The following MARCHF8 variants were observed in gnomAD, a reference collection of about 807,000 sequenced individuals.
MARCHF8 encodes E3 ubiquitin-protein ligase MARCHF8.
A neutral mutation model predicts 51.6 loss-of-function variants in MARCHF8; 40 were observed. The observed-to-expected ratio is 0.77, with a 90% confidence interval of 0.60 to 1.01. MARCHF8 has a LOEUF of 1.01. Among genes scored for constraint, MARCHF8 ranks in the 50% least tolerant of loss-of-function variants. The pLI is 0.00. For missense variants in MARCHF8, 685 were observed against 708.6 expected (o/e 0.97, Z 0.38); for synonymous variants, 263 against 280.3 (o/e 0.94, Z 0.62).
chr10:45,569,022 G>A (rs1466809841), intron 1 of MARCHF8, among the ~76,000 whole-genome samples: 1 of 130,622 alleles, frequency 7.7e-6, no homozygotes, highest in Non-Finnish European at 1.5e-5. Context: ...CCGAGATGGC[G>A]CCACTGCACT....
At chr10:45,494,600 T>C (rs1458264147) in intron 2 of MARCHF8, among the ~76,000 whole-genome samples, 3 of 152,174 alleles carry the variant, frequency 2.0e-5, no homozygotes. Context: ...GGAAAACTAT[T>C]AAATATATAA....
intron 7 of MARCHF8, 50 bp downstream of exon 7, chr10:45,459,070 G>A (rs1842701558): frequency 6.2e-7 from 1 of 1,609,442 alleles, no homozygotes; most frequent in Non-Finnish European, 8.5e-7. Context: ...CAGGACTCCT[G>A]TGAGCTATCC....
At chr10:45,508,317 A>G (rs1239918924) in intron 2 of MARCHF8, among the ~76,000 whole-genome samples, 1 of 151,232 alleles carries the variant, frequency 6.6e-6, no homozygotes, top group Non-Finnish European at 1.5e-5. Context: ...GAGGACAAAA[A>G]TTTATTCTTT....
chr10:45,539,124 G>C (rs1255402222), upstream of MARCHF8, among the ~76,000 whole-genome samples: 1 of 152,188 alleles, frequency 6.6e-6, no homozygotes, highest in Non-Finnish European at 1.5e-5. Context: ...CTGTCTCTCA[G>C]ACCACAGTGC....
At chr10:45,523,703 T>C (rs1165850563) in intron 2 of MARCHF8, among the ~76,000 whole-genome samples, 1 of 152,190 alleles carries the variant, frequency 6.6e-6, no homozygotes, top group East Asian at 1.9e-4. Flanking sequence ...CCTACAGTGA[T>C]ACCTAGACAA....
At chr10:45,578,012 A>G (rs1259408211) in intron 1 of MARCHF8, among the ~76,000 whole-genome samples, 3 of 152,142 alleles carry the variant, frequency 2.0e-5, no homozygotes, top group Non-Finnish European at 2.9e-5. Context: ...ACAGAGTGAG[A>G]CCCTGTCTCT....
intron 3 of MARCHF8, among the ~76,000 whole-genome samples, chr10:45,485,352 T>C (rs2042960933): frequency 6.6e-6 from 1 of 152,230 alleles, no homozygotes. Context: ...ACAAATTTCA[T>C]GAAATCCCTT....
At chr10:45,488,591 G>A (rs551124105) in intron 3 of MARCHF8, among the ~76,000 whole-genome samples, 285 of 152,210 alleles carry the variant, frequency 1.9e-3, no homozygotes, top group African/African-American at 6.5e-3. Context: ...CGACTGCTCC[G>A]GCCGACTGCT....
chr10:45,461,168 G>C (rs1021350220), intron 6 of MARCHF8, 63 bp downstream of exon 6: 1 of 1,310,070 alleles, frequency 7.6e-7, no homozygotes, highest in African/African-American at 1.5e-5. Context: ...CATGATCTGA[G>C]ACACCAGCTT....
At position 45,457,987 on chromosome 10, in the gene MARCHF8, G is replaced by C; in HGVS notation, c.*252C>G. On this transcript the variant is annotated 3_prime_UTR_variant, in exon 8 of 8. Coordinates refer to ENST00000453424, the MANE Select transcript of MARCHF8 (RefSeq NM_001282866.2). ...AAGACCATGGGCAGGAACTCTGCTG[G>C]CTCCCCATGATGTCATCATGGGGTC... 1 of 468,652 alleles carries C rather than the reference G, an allele frequency of 2.1e-6. No homozygotes were observed. The allele number at this position is 468,652 out of a possible 1,614,324, so 29.0% of individuals were successfully genotyped here. A position where few individuals can be genotyped will look rare whatever the true frequency, so the allele number is the denominator to read the frequency against.
chr10:45,455,655 TACC>T lies in MARCHF8; in HGVS notation c.*2581_*2583del, dbSNP rs1050672632. ...AGCTGGTGGCCACACCAGATGGGAG[TACC>T]ACATCCCCACCAGGCTTCATGCTTC... On this transcript the variant is annotated 3_prime_UTR_variant, in exon 8 of 8. Coordinates refer to ENST00000453424, the MANE Select transcript of MARCHF8 (RefSeq NM_001282866.2). The T allele has an allele frequency of 6.6e-6, 1 of 151,892 alleles. No individual in the cohort carries two copies. Among genetic ancestry groups the T allele is most frequent in the African/African-American group, 2.4e-5 (1 of 41,258 alleles). The allele number at this position is 151,892 out of a possible 1,614,324, so 9.4% of individuals were successfully genotyped here.
chr10:45,500,152 G>A (rs1328292337), intron 2 of MARCHF8, among the ~76,000 whole-genome samples: 1 of 151,978 alleles, frequency 6.6e-6, no homozygotes, highest in Non-Finnish European at 1.5e-5. Context: ...TTACCACTTT[G>A]GTTAAGTTTA....
chr10:45,461,294 C>T lies in MARCHF8; in HGVS notation c.1206G>A (p.Thr402=), dbSNP rs377760831. The T allele has an allele frequency of 1.5e-5, 24 of 1,602,710 alleles. No individual in the cohort carries two copies. Among genetic ancestry groups the T allele is most frequent in the Admixed American group, 1.2e-4 (7 of 58,042 alleles). ...CLQQWIKSSD[T]RCCELCKYEF... is the part of the protein sequence containing the mutation. The stretch of plus-strand genomic sequence containing the variant: ...CATACTTGCAGAGCTCGCAGCAGCG[C>T]GTGTCGGAGCTCTTGATCCACTGCT... Residue 402 remains threonine, a synonymous_variant, in exon 6 of 8, where the codon ACG becomes ACA. Coordinates refer to ENST00000453424, the MANE Select transcript of MARCHF8 (RefSeq NM_001282866.2).
At chr10:45,522,873 G>T (rs1385793924) in intron 2 of MARCHF8, among the ~76,000 whole-genome samples, 1 of 152,168 alleles carries the variant, frequency 6.6e-6, no homozygotes, top group Non-Finnish European at 1.5e-5. Context: ...TCCAAGCCAG[G>T]TGTGATGGCT....
chr10:45,492,251 T>C (rs903733795), intron 2 of MARCHF8, among the ~76,000 whole-genome samples: 1 of 152,198 alleles, frequency 6.6e-6, no homozygotes, highest in African/African-American at 2.4e-5. Context: ...TCATCTTTTA[T>C]TTTCCCCCAA....
chr10:45,461,693 T>G (rs1369718836), intron 5 of MARCHF8: 4 of 262,204 alleles, frequency 1.5e-5, no homozygotes, highest in Non-Finnish European at 2.1e-5. Context: ...AAATAAGAAC[T>G]TCACTGAAAG....
Position 45,463,695 on chromosome 10 carries a change from C to G in MARCHF8, c.544G>C (p.Gly182Arg). 6.4e-7 allele frequency: 1 copy of G among 1,550,944 alleles called. No homozygotes were observed. The highest frequency in any genetic ancestry group is 8.7e-7 in the Non-Finnish European group (1 of 1,147,078). The change falls in exon 5 of 8, where the codon GGG becomes CGG. Residue 182 changes from glycine to arginine, a missense_variant. Gly to Arg is a moderately radical substitution (Grantham distance 125). Transcript: ENST00000453424. ...GTATCTTGAGGGAGTATTAATTTCC[C>G]TTCAGAACAAGTTCTTTCCACATAG... is the stretch of plus-strand genomic sequence containing the variant. The part of the protein sequence containing the change: ...FAYVERTCSE[G>R]KLILPQDTCL...
chr10:45,592,851 A>T (rs2044696654), intron 1 of MARCHF8, among the ~76,000 whole-genome samples: 1 of 152,162 alleles, frequency 6.6e-6, no homozygotes, highest in African/African-American at 2.4e-5. Flanking sequence ...CAGACAAACA[A>T]CGAATCTTTT....
At chr10:45,460,097 T>C (rs1358741742) in intron 6 of MARCHF8, among the ~76,000 whole-genome samples, 2 of 152,202 alleles carry the variant, frequency 1.3e-5, no homozygotes. Flanking sequence ...AACATTTTTT[T>C]AAGCAGTTTG....
Sources: allele counts gnomAD v4.1 joint callset (sites outside exome capture counted in the v4.1 genomes callset), GRCh38; gene constraint gnomAD v4.1.1; transcripts MANE v1.5; gene names NCBI Gene and HGNC (gene_info 2026-07-23, HGNC 2026-07-21).